The following HDAC8 variants were observed in gnomAD, a reference collection of about 807,000 sequenced individuals.
HDAC8 encodes the protein histone deacetylase 8.
Under a neutral mutation model 32.2 loss-of-function variants are expected in HDAC8, and 1 was observed. That is an observed-to-expected ratio of 0.03 (90% CI 0.01 to 0.15). HDAC8 has a LOEUF of 0.15. HDAC8 is among the 10% of genes least tolerant of loss of function. The pLI, the probability that HDAC8 is intolerant of heterozygous loss-of-function variation, is 1.00. For synonymous variants in HDAC8, 108 were observed against 113.9 expected (o/e 0.95, Z 0.33); for missense variants, 117 against 300.0 (o/e 0.39, Z 4.51).
intron 9 of HDAC8, among the ~76,000 whole-genome samples, chrX:72,398,277 G>A (rs1447852671): frequency 1.8e-5 from 2 of 111,613 alleles, no homozygotes; most frequent in African/African-American, 6.5e-5. Context: ...CCTCTTCTGT[G>A]AAAGGCTTGT....
At chrX:72,397,612 T>C (rs1165824756) in intron 9 of HDAC8, among the ~76,000 whole-genome samples, 1 of 111,647 alleles carries the variant, frequency 9.0e-6, no homozygotes, top group Non-Finnish European at 1.9e-5. Context: ...TACCCTGCCT[T>C]TCTCCCAGAG....
chrX:72,437,633 T>C (rs2046990759), intron 9 of HDAC8, among the ~76,000 whole-genome samples: 2 of 111,989 alleles, frequency 1.8e-5, no homozygotes, highest in African/African-American at 6.5e-5. Flanking sequence ...GAAGATGACC[T>C]CAGATGCTTG....
chrX:72,453,023 A>T (rs1267513726), intron 9 of HDAC8, among the ~76,000 whole-genome samples: 2 of 111,198 alleles, frequency 1.8e-5, no homozygotes, highest in African/African-American at 6.5e-5. Context: ...AAAACACAAT[A>T]TTTGAAATGG....
intron 9 of HDAC8, among the ~76,000 whole-genome samples, chrX:72,436,521 A>G: frequency 9.0e-6 from 1 of 110,877 alleles, no homozygotes; most frequent in East Asian, 2.8e-4. Context: ...AGACATTCTC[A>G]GATGAAGGAA....
chrX:72,484,306 G>C (rs906358272), intron 7 of HDAC8, among the ~76,000 whole-genome samples: 35 of 111,963 alleles, frequency 3.1e-4, no homozygotes, highest in Non-Finnish European at 5.6e-4. Flanking sequence ...GGATGGGTTG[G>C]TAGCTCTAAC....
chrX:72,372,447 C>T (rs1484331027), intron 9 of HDAC8, among the ~76,000 whole-genome samples: 3 of 111,311 alleles, frequency 2.7e-5, no homozygotes, highest in Non-Finnish European at 5.6e-5. Flanking sequence ...AGTAGGGATC[C>T]TGTACATGCT....
chrX:72,404,623 T>C (rs782354000), intron 9 of HDAC8, among the ~76,000 whole-genome samples: 16 of 111,171 alleles, frequency 1.4e-4, no homozygotes, highest in Non-Finnish European at 3.0e-4. Flanking sequence ...AAATGTTTTA[T>C]TTTGCCTTTA....
intron 4 of HDAC8, among the ~76,000 whole-genome samples, chrX:72,521,387 G>T (rs2049977083): frequency 9.0e-6 from 1 of 110,859 alleles, no homozygotes; most frequent in African/African-American, 3.3e-5. Context: ...ATATTTCTTA[G>T]GTTGGTCTAC....
At chrX:72,508,465 A>G (rs2049463075) in intron 4 of HDAC8, among the ~76,000 whole-genome samples, 1 of 112,458 alleles carries the variant, frequency 8.9e-6, no homozygotes, top group South Asian at 3.7e-4. Context: ...AAGTGTCTGA[A>G]CTTGAATTTG....
At chrX:72,448,897 G>A (rs782189192) in intron 9 of HDAC8, among the ~76,000 whole-genome samples, 4 of 112,405 alleles carry the variant, frequency 3.6e-5, no homozygotes, top group Non-Finnish European at 5.6e-5. Context: ...ACACCAGTTA[G>A]AATGGCGATC....
chrX:72,389,655 A>C (rs1320160246), intron 9 of HDAC8, among the ~76,000 whole-genome samples: 2 of 112,022 alleles, frequency 1.8e-5, no homozygotes, highest in African/African-American at 6.5e-5. Context: ...CAGAACCCCA[A>C]ATTGTTTGGC....
At chrX:72,552,974 C>A (rs1556077995) in intron 4 of HDAC8, among the ~76,000 whole-genome samples, 1 of 110,734 alleles carries the variant, frequency 9.0e-6, no homozygotes, top group East Asian at 2.8e-4. Flanking sequence ...GCCAACTGCC[C>A]TTTAAAAACA....
chrX:72,488,354 C>A (rs2048750356), intron 7 of HDAC8, among the ~76,000 whole-genome samples: 1 of 110,893 alleles, frequency 9.0e-6, no homozygotes, highest in African/African-American at 3.3e-5. Flanking sequence ...ACCCCCCACC[C>A]CCATTCCATA....
intron 4 of HDAC8, among the ~76,000 whole-genome samples, chrX:72,513,135 C>T (rs1603135856): frequency 9.0e-6 from 1 of 111,167 alleles, no homozygotes; most frequent in Non-Finnish European, 1.9e-5. Context: ...AAAGTTGATC[C>T]CTCTTTTTGT....
At chrX:72,487,928 C>T (rs1182234383) in intron 7 of HDAC8, among the ~76,000 whole-genome samples, 2 of 96,967 alleles carry the variant, frequency 2.1e-5, no homozygotes, top group Non-Finnish European at 4.1e-5. Flanking sequence ...CCATTGATGG[C>T]AGGCTCCAAA....
chrX:72,465,986 G>C (rs1298799541), intron 7 of HDAC8, among the ~76,000 whole-genome samples: 3 of 111,761 alleles, frequency 2.7e-5, no homozygotes, highest in African/African-American at 6.5e-5. Flanking sequence ...TAAAAATAAT[G>C]ACATATGATC....
chrX:72,493,085 T>A (rs1187287538), intron 5 of HDAC8, among the ~76,000 whole-genome samples: 1 of 111,335 alleles, frequency 9.0e-6, no homozygotes, highest in Non-Finnish European at 1.9e-5. Flanking sequence ...TGTTGGAACT[T>A]GAACAAATGG....
intron 9 of HDAC8, among the ~76,000 whole-genome samples, chrX:72,444,104 G>A: frequency 9.2e-6 from 1 of 109,247 alleles, no homozygotes; most frequent in East Asian, 2.9e-4. Flanking sequence ...TTCCACCAGA[G>A]GTACAAGGAG....
At chrX:72,528,805 C>T (rs1030960796) in intron 4 of HDAC8, among the ~76,000 whole-genome samples, 1 of 111,865 alleles carries the variant, frequency 8.9e-6, no homozygotes, top group Admixed American at 9.5e-5. Flanking sequence ...TACTCATGTC[C>T]TTATCTTTAA....
Sources: allele counts gnomAD v4.1 joint callset (sites outside exome capture counted in the v4.1 genomes callset), GRCh38; gene constraint gnomAD v4.1.1; transcripts MANE v1.5; gene names NCBI Gene and HGNC (gene_info 2026-07-23, HGNC 2026-07-21).